Variants in DIP2C observed in about 807,000 individuals in gnomAD.
DIP2C encodes the protein DIP2 acetate--CoA ligase C (putative), also known as disco-interacting protein 2 homolog C.
Under a neutral mutation model 192.4 loss-of-function variants are expected in DIP2C, and 33 were observed. The observed-to-expected ratio is 0.17, with a 90% confidence interval of 0.13 to 0.23. The LOEUF is 0.23. Among genes scored for constraint, DIP2C ranks in the 10% least tolerant of loss-of-function variants. The pLI, the probability that DIP2C is intolerant of heterozygous loss-of-function variation, is 1.00. For missense variants in DIP2C, 1,537 were observed against 2,110.1 expected, an observed-to-expected ratio of 0.73 and a Z score of 5.32; for synonymous variants, 979 against 864.1, an observed-to-expected ratio of 1.13 and a Z score of -2.33.
Position 366,327 on chromosome 10 carries a change from G to C in DIP2C, c.2216C>G (p.Ala739Gly). 1 of 1,614,000 alleles carries C rather than the reference G, an allele frequency of 6.2e-7. No individual in the cohort carries two copies. The highest frequency in any genetic ancestry group is 1.3e-5 in the African/African-American group (1 of 75,020). Residue 739 changes from alanine to glycine, a missense_variant, in exon 19 of 37, where the codon GCG becomes GGG. This residue lies in a region of DIP2C where 677 missense variants were observed against 989.9 expected (regional missense o/e 0.68). Coordinates refer to ENST00000280886, the MANE Select transcript of DIP2C (RefSeq NM_014974.3). Reference protein sequence around the residue: ...EIGELCVCAVATGTSYYGLSG... With the variant: ...EIGELCVCAVGTGTSYYGLSG... ...GAGGCCATAGTAGGACGTGCCCGTC[G>C]CAACTGCACACACACACAGCTCCCC...
intron 32 of DIP2C, among the ~76,000 whole-genome samples, chr10:309,198 G>A (rs927779440): frequency 1.3e-5 from 2 of 151,968 alleles, no homozygotes; most frequent in Non-Finnish European, 2.9e-5. Flanking sequence ...ATCTTAGTGG[G>A]TCCTCCTTGG....
intron 1 of DIP2C, among the ~76,000 whole-genome samples, chr10:490,431 G>A (rs915039433): frequency 2.6e-5 from 4 of 152,190 alleles, no homozygotes; most frequent in East Asian, 1.9e-4. Flanking sequence ...ACTGCTCACA[G>A]CCTGCTTGTT....
intron 1 of DIP2C, among the ~76,000 whole-genome samples, chr10:670,251 C>A (rs1019390946): frequency 6.6e-6 from 1 of 151,700 alleles, no homozygotes; most frequent in African/African-American, 2.4e-5. Flanking sequence ...TATGCACACA[C>A]GTACATGCAC....
At chr10:590,052 A>T (rs950914579) in intron 1 of DIP2C, among the ~76,000 whole-genome samples, 6 of 152,244 alleles carry the variant, frequency 3.9e-5, no homozygotes, top group Admixed American at 3.3e-4. Flanking sequence ...TGGTTTCCAC[A>T]TCACACAGGG....
intron 1 of DIP2C, among the ~76,000 whole-genome samples, chr10:578,196 A>G (rs745386766): frequency 7.2e-5 from 11 of 152,188 alleles, no homozygotes; most frequent in Non-Finnish European, 1.0e-4. Flanking sequence ...ATGAACTTAC[A>G]TATCATTTTC....
intron 26 of DIP2C, among the ~76,000 whole-genome samples, chr10:347,856 ACGCGTCG>A: frequency 9.4e-6 from 1 of 106,394 alleles, no homozygotes; most frequent in African/African-American, 3.5e-5. Flanking sequence ...ACGCACCCAG[ACGCGTCG>A]CGCATAGCTC....
intron 1 of DIP2C, among the ~76,000 whole-genome samples, chr10:618,090 G>A (rs1223989030): frequency 6.6e-6 from 1 of 152,126 alleles, no homozygotes; most frequent in Non-Finnish European, 1.5e-5. Context: ...ATTGGCATTT[G>A]GTCTGCACAT....
intron 1 of DIP2C, among the ~76,000 whole-genome samples, chr10:655,396 G>A (rs1856217553): frequency 6.6e-6 from 1 of 152,120 alleles, no homozygotes; most frequent in South Asian, 2.1e-4. Context: ...TGTCCTCTCT[G>A]TTCTGTGCTA....
intron 1 of DIP2C, among the ~76,000 whole-genome samples, chr10:646,278 C>T (rs1855449851): frequency 6.6e-6 from 1 of 152,140 alleles, no homozygotes; most frequent in South Asian, 2.1e-4. Context: ...GCACCCTGTC[C>T]CCCTGTGCAG....
At chr10:585,247 C>T (rs528189366) in intron 1 of DIP2C, among the ~76,000 whole-genome samples, 2 of 152,330 alleles carry the variant, frequency 1.3e-5, no homozygotes, top group African/African-American at 4.8e-5. Context: ...CCCCATCCCA[C>T]GCCACCCTGT....
At position 288,315 on chromosome 10, in the gene DIP2C, TC is replaced by T. The variant is rs775816445; in HGVS notation, c.4044+48del. ...TCCTAAAATTTCAAAGCCCATACAG[TC>T]AGAAGCGAACGGATACAGAAATGCG... On this transcript the variant is annotated intron_variant, in intron 33 of 36. Coordinates refer to ENST00000280886, the MANE Select transcript of DIP2C (RefSeq NM_014974.3). The T allele has an allele frequency of 5.9e-5, 92 of 1,559,054 alleles. No individual in the cohort carries two copies. The African/African-American group carries it at 1.2e-3, about 20-fold the overall frequency.
intron 2 of DIP2C, among the ~76,000 whole-genome samples, chr10:473,928 A>AG (rs1174416649): frequency 2.0e-5 from 3 of 152,144 alleles, no homozygotes; most frequent in Admixed American, 2.0e-4. Flanking sequence ...CTCATGTATC[A>AG]GGCTGGCGAA....
intron 1 of DIP2C, among the ~76,000 whole-genome samples, chr10:513,983 G>A (rs1846191491): frequency 6.6e-6 from 1 of 152,218 alleles, no homozygotes; most frequent in Admixed American, 6.5e-5. Context: ...TACAGTCTTG[G>A]CAATGTACAA....
intron 1 of DIP2C, among the ~76,000 whole-genome samples, chr10:553,773 CAT>C (rs1265147087): frequency 5.3e-5 from 8 of 150,568 alleles, no homozygotes; most frequent in African/African-American, 2.0e-4. Context: ...AAATATACCT[CAT>C]AGGAGAAAAG....
chr10:582,415 T>C (rs1354582614), intron 1 of DIP2C, among the ~76,000 whole-genome samples: 1 of 152,148 alleles, frequency 6.6e-6, no homozygotes, highest in Non-Finnish European at 1.5e-5. Context: ...ACCCCATCCC[T>C]GCAACAAAGA....
At chr10:659,146 A>G (rs1369621580) in intron 1 of DIP2C, among the ~76,000 whole-genome samples, 1 of 152,272 alleles carries the variant, frequency 6.6e-6, no homozygotes, top group East Asian at 1.9e-4. Context: ...ACATATGTAA[A>G]TGCATACACA....
At position 550,006 on chromosome 10, in the gene DIP2C, CTTT is replaced by C. The variant is rs11461177; in HGVS notation, c.86-63479_86-63477del. On this transcript the variant is annotated intron_variant, in intron 1 of 36. Coordinates refer to ENST00000280886, the MANE Select transcript of DIP2C (RefSeq NM_014974.3). The stretch of plus-strand genomic sequence containing the variant: ...TACAGAAGCAACAAGGGACGTGTAG[CTTT>C]TTTTTTTTTTTTTTTCTCTTAAGAC... 7.4e-5 allele frequency among the ~76,000 whole-genome samples: 10 copies of C among 134,754 alleles called. No individual in the cohort carries two copies. The East Asian group carries it at 8.7e-4, about 12-fold the overall frequency. 88.4% of individuals were successfully genotyped at this position (134,754 alleles called of 152,430 possible). A position where few individuals can be genotyped will look rare whatever the true frequency, so the allele number is the denominator to read the frequency against.
chr10:335,311 C>A (rs751670654), intron 29 of DIP2C, among the ~76,000 whole-genome samples: 5 of 152,162 alleles, frequency 3.3e-5, no homozygotes, highest in Non-Finnish European at 7.3e-5. Context: ...AATCACTGAC[C>A]TGATGCGTAA....
intron 1 of DIP2C, among the ~76,000 whole-genome samples, chr10:567,724 G>A (rs767745429): frequency 1.1e-3 from 173 of 152,114 alleles, no homozygotes; most frequent in African/African-American, 3.1e-3. Flanking sequence ...TGCAGCCTCC[G>A]CCTCCCAGGA....
Sources: allele counts gnomAD v4.1 joint callset (sites outside exome capture counted in the v4.1 genomes callset), GRCh38; gene constraint gnomAD v4.1.1; regional missense constraint gnomAD v4.1.1; transcripts MANE v1.5; gene names NCBI Gene and HGNC (gene_info 2026-07-23, HGNC 2026-07-21).